CDH18: variants seen among roughly 807,000 people sequenced by gnomAD.
The protein encoded by CDH18 is cadherin 18, also known as cadherin-18.
Under a neutral mutation model 67.9 loss-of-function variants are expected in CDH18, and 31 were observed. The ratio of observed to expected loss-of-function variants is 0.46; its 90% CI spans 0.34 to 0.62. CDH18 has a LOEUF of 0.62. CDH18 is among the 20% of genes least tolerant of loss of function. The pLI is 0.01. For synonymous variants in CDH18, 362 were observed against 347.2 expected (o/e 1.04, Z -0.48); for missense variants, 890 against 975.5 (o/e 0.91, Z 1.17).
chr5:19,903,715 G>T (rs1790220105), intron 2 of CDH18, among the ~76,000 whole-genome samples: 1 of 146,178 alleles, frequency 6.8e-6, no homozygotes, highest in African/African-American at 2.5e-5. Context: ...AGCACCTGAA[G>T]GAGATTCCAC....
At chr5:20,466,821 C>A (rs1751663144) in intron 1 of CDH18, among the ~76,000 whole-genome samples, 1 of 152,080 alleles carries the variant, frequency 6.6e-6, no homozygotes, top group Non-Finnish European at 1.5e-5. Flanking sequence ...AGATCATAAA[C>A]AAGGCTTATC....
chr5:20,007,340 G>C (rs1736985890), intron 2 of CDH18, among the ~76,000 whole-genome samples: 1 of 151,718 alleles, frequency 6.6e-6, no homozygotes, highest in Admixed American at 6.6e-5. Flanking sequence ...TAGCAAAAAT[G>C]CATTCCACAA....
intron 8 of CDH18, among the ~76,000 whole-genome samples, chr5:19,560,684 G>T (rs1040215919): frequency 6.6e-6 from 1 of 151,784 alleles, no homozygotes; most frequent in Non-Finnish European, 1.5e-5. Flanking sequence ...AAGTAAAAAG[G>T]TTCTGCACAG....
At chr5:19,544,878 G>A (rs1385443300) in intron 8 of CDH18, among the ~76,000 whole-genome samples, 1 of 152,108 alleles carries the variant, frequency 6.6e-6, no homozygotes, top group African/African-American at 2.4e-5. Context: ...GATGCACGAT[G>A]GAGTGCCCCA....
chr5:20,120,869 T>C (rs1181499468), intron 2 of CDH18, among the ~76,000 whole-genome samples: 1 of 152,162 alleles, frequency 6.6e-6, no homozygotes, highest in Non-Finnish European at 1.5e-5. Context: ...ATGATTAGCA[T>C]CTGATCTGCT....
intron 5 of CDH18, among the ~76,000 whole-genome samples, chr5:19,705,562 T>C (rs924916645): frequency 6.6e-6 from 1 of 152,084 alleles, no homozygotes; most frequent in Non-Finnish European, 1.5e-5. Context: ...ATAAAATAGA[T>C]CCAGAGAATA....
intron 3 of CDH18, among the ~76,000 whole-genome samples, chr5:19,805,372 A>T (rs1242360652): frequency 6.6e-6 from 1 of 152,118 alleles, no homozygotes; most frequent in African/African-American, 2.4e-5. Flanking sequence ...CCTCTGCAGA[A>T]TTTTAATTTC....
intron 2 of CDH18, among the ~76,000 whole-genome samples, chr5:19,975,713 C>G (rs1798435982): frequency 6.6e-6 from 1 of 152,114 alleles, no homozygotes; most frequent in South Asian, 2.1e-4. Context: ...CTGGTTTTTC[C>G]ATTTAGTTAA....
intron 2 of CDH18, among the ~76,000 whole-genome samples, chr5:19,890,105 C>A (rs1481000938): frequency 1.3e-5 from 2 of 152,118 alleles, no homozygotes; most frequent in Non-Finnish European, 2.9e-5. Context: ...CAAAATGAGT[C>A]TAACAAGCTA....
chr5:20,334,771 C>CAA (rs1451539717), intron 1 of CDH18, among the ~76,000 whole-genome samples: 1 of 151,702 alleles, frequency 6.6e-6, no homozygotes, highest in South Asian at 2.1e-4. Flanking sequence ...CACACACACA[C>CAA]ACACACACAC....
intron 2 of CDH18, among the ~76,000 whole-genome samples, chr5:20,217,517 A>G (rs998437029): frequency 2.0e-5 from 3 of 151,954 alleles, no homozygotes; most frequent in Non-Finnish European, 4.4e-5. Flanking sequence ...TATATACAAT[A>G]GATAAACAAA....
chr5:20,314,438 T>G (rs1737277493), intron 1 of CDH18, among the ~76,000 whole-genome samples: 1 of 152,134 alleles, frequency 6.6e-6, no homozygotes, highest in African/African-American at 2.4e-5. Flanking sequence ...TTCTTTCTCC[T>G]GCATGTACCT....
At chr5:19,740,595 C>G (rs985462702) in intron 4 of CDH18, among the ~76,000 whole-genome samples, 1 of 152,004 alleles carries the variant, frequency 6.6e-6, no homozygotes, top group Non-Finnish European at 1.5e-5. Context: ...AATTTTATGT[C>G]TTTGTATTAT....
intron 10 of CDH18, among the ~76,000 whole-genome samples, chr5:19,516,665 G>T (rs1746063285): frequency 6.6e-6 from 1 of 152,100 alleles, no homozygotes; most frequent in South Asian, 2.1e-4. Flanking sequence ...TCTGATGGTA[G>T]TTTGTATTTC....
intron 4 of CDH18, among the ~76,000 whole-genome samples, chr5:19,743,386 ACT>A (rs913805651): frequency 6.6e-6 from 1 of 151,740 alleles, no homozygotes; most frequent in Non-Finnish European, 1.5e-5. Context: ...AGACTGACAA[ACT>A]CTTTTTTTTA....
intron 1 of CDH18, among the ~76,000 whole-genome samples, chr5:20,341,180 G>A (rs1439838424): frequency 6.6e-6 from 1 of 152,154 alleles, no homozygotes; most frequent in Admixed American, 6.5e-5. Flanking sequence ...TTGATCCTGA[G>A]TGTGTCTGTG....
chr5:19,552,658 T>A (rs1255310283), intron 8 of CDH18, among the ~76,000 whole-genome samples: 1 of 152,200 alleles, frequency 6.6e-6, no homozygotes, highest in Non-Finnish European at 1.5e-5. Flanking sequence ...CAATGATCAA[T>A]AAGATGTCTC....
intron 5 of CDH18, among the ~76,000 whole-genome samples, chr5:19,684,569 A>C (rs1333503004): frequency 1.3e-5 from 2 of 151,308 alleles, no homozygotes; most frequent in Non-Finnish European, 3.0e-5. Context: ...TTTTTTTCAG[A>C]TACAAAGAGA....
intron 2 of CDH18, among the ~76,000 whole-genome samples, chr5:20,147,098 C>A (rs1750706117): frequency 6.6e-6 from 1 of 152,072 alleles, no homozygotes. Flanking sequence ...ACTTTGAAAA[C>A]ATTGCTAAAT....
Sources: gnomAD v4.1 joint callset for allele counts (sites outside exome capture counted in the v4.1 genomes callset) on GRCh38, gnomAD v4.1.1 for gene constraint, MANE v1.5 for transcripts, NCBI Gene and HGNC (gene_info 2026-07-23, HGNC 2026-07-21) for gene names.